Variants in PUDP observed in about 807,000 individuals in gnomAD.
PUDP encodes pseudouridine-5'-phosphatase.
In PUDP, 8 loss-of-function variants were observed where a neutral mutation model predicts 9.4. That is an observed-to-expected ratio of 0.85 (90% CI 0.50 to 1.53). PUDP has a LOEUF of 1.53. PUDP is among the 40% of genes most tolerant of loss of function. PUDP has a pLI of 0.00. For synonymous variants in PUDP, 99 were observed against 80.7 expected (o/e 1.23, Z -1.22); for missense variants, 188 against 189.7 (o/e 0.99, Z 0.05).
intron 1 of PUDP, among the ~76,000 whole-genome samples, chrX:7,003,992 T>G (rs1274287945): frequency 9.0e-6 from 1 of 111,148 alleles, no homozygotes; most frequent in African/African-American, 3.3e-5. Context: ...CCTCTCACCT[T>G]GCTCTCCTGA....
chrX:6,967,124 T>C (rs929861948), intron 3 of PUDP, among the ~76,000 whole-genome samples: 1 of 111,715 alleles, frequency 9.0e-6, no homozygotes, highest in African/African-American at 3.3e-5. Flanking sequence ...CAGGAGTTGG[T>C]CCTGTAGGAC....
intron 1 of PUDP, among the ~76,000 whole-genome samples, chrX:7,114,562 A>T (rs781086452): frequency 6.3e-5 from 7 of 111,761 alleles, no homozygotes; most frequent in Non-Finnish European, 1.3e-4. Context: ...AAGTTTCAAC[A>T]TGAGTTTCAG....
intron 3 of PUDP, among the ~76,000 whole-genome samples, chrX:6,817,543 A>C (rs1926271521): frequency 8.9e-6 from 1 of 112,145 alleles, no homozygotes; most frequent in Non-Finnish European, 1.9e-5. Context: ...CATTTCAAGA[A>C]GAAGATCTCT....
At chrX:6,990,547 T>A (rs1212721409) in intron 1 of PUDP, among the ~76,000 whole-genome samples, 2 of 112,261 alleles carry the variant, frequency 1.8e-5, no homozygotes, top group Non-Finnish European at 1.9e-5. Context: ...CCAAAAGTAC[T>A]CTTTTTGGCT....
intron 3 of PUDP, among the ~76,000 whole-genome samples, chrX:6,925,625 C>T (rs183625811): frequency 9.0e-4 from 101 of 112,061 alleles, no homozygotes; most frequent in Non-Finnish European, 1.7e-3. Flanking sequence ...CCGAGGCAGT[C>T]GGATTATAAT....
chrX:7,102,439 A>G (rs1007296440), intron 2 of PUDP, among the ~76,000 whole-genome samples: 8 of 110,567 alleles, frequency 7.2e-5, no homozygotes, highest in African/African-American at 2.6e-4. Context: ...AACTACCTCA[A>G]CATATTAAAG....
intron 3 of PUDP, among the ~76,000 whole-genome samples, chrX:6,840,329 T>C (rs1252009264): frequency 2.7e-5 from 3 of 112,165 alleles, no homozygotes; most frequent in African/African-American, 9.7e-5. Context: ...TGGTATGTCT[T>C]TATCAGCAGC....
intron 3 of PUDP, among the ~76,000 whole-genome samples, chrX:6,862,484 T>C (rs1028731883): frequency 1.8e-5 from 2 of 112,168 alleles, no homozygotes; most frequent in African/African-American, 6.5e-5. Flanking sequence ...TTCCAACAAC[T>C]TTTTTTTCAT....
At chrX:6,802,891 A>AATAAC (rs200788546) in intron 3 of PUDP, among the ~76,000 whole-genome samples, 2,987 of 16,482 alleles carry the variant, frequency 0.18, 211 homozygotes, top group South Asian at 0.38. Flanking sequence ...TTGTCTCAAA[A>AATAAC]ATAACATAAC....
rs184163637 is a variant in PUDP, at chrX:6,741,368, G to T, written c.*248-34902C>A. Among the ~76,000 whole-genome samples, 26 of 111,685 alleles carry T rather than the reference G, an allele frequency of 2.3e-4. No individual in the cohort carries two copies. In the Admixed American group the frequency reaches 2.4e-3, roughly 10 times the overall value. The stretch of plus-strand genomic sequence containing the variant: ...GCAACTGTTGCATATGTAAATGAAT[G>T]CATCTATAGGAAGTCAATAGGAATT... On this transcript the variant is annotated intron_variant and NMD_transcript_variant, in intron 3 of 3. Coordinates refer to the PUDP transcript ENST00000655425.
chrX:6,985,395 C>T (rs987048138), intron 1 of PUDP, among the ~76,000 whole-genome samples: 1 of 111,280 alleles, frequency 9.0e-6, no homozygotes, highest in African/African-American at 3.3e-5. Context: ...TATTTTGTCT[C>T]CTGCTAACTC....
chrX:6,817,773 T>C (rs917936304), intron 3 of PUDP, among the ~76,000 whole-genome samples: 1 of 111,806 alleles, frequency 8.9e-6, no homozygotes, highest in Non-Finnish European at 1.9e-5. Flanking sequence ...CATTTCTTCA[T>C]ACTCTGCACT....
chrX:6,867,335 G>A (rs1056296496), intron 3 of PUDP, among the ~76,000 whole-genome samples: 1 of 111,916 alleles, frequency 8.9e-6, no homozygotes, highest in Non-Finnish European at 1.9e-5. Flanking sequence ...TCCAGGCATG[G>A]CAGATTCAGC....
At chrX:7,135,467 G>A (rs188996801) in intron 1 of PUDP, among the ~76,000 whole-genome samples, 2 of 112,012 alleles carry the variant, frequency 1.8e-5, no homozygotes, top group Admixed American at 1.9e-4. Context: ...TGCACTATGA[G>A]AGAGACGAGG....
At chrX:7,100,858 G>C (rs773916159) in intron 2 of PUDP, among the ~76,000 whole-genome samples, 26 of 112,327 alleles carry the variant, frequency 2.3e-4, no homozygotes, top group African/African-American at 8.1e-4. Flanking sequence ...GGCACGGCCT[G>C]TCTTTCTGCT....
chrX:7,116,506 G>T (rs1297273959), intron 1 of PUDP, among the ~76,000 whole-genome samples: 1 of 110,848 alleles, frequency 9.0e-6, no homozygotes, highest in Non-Finnish European at 1.9e-5. Flanking sequence ...GGTGGGCCAG[G>T]CACTTCTCTC....
chrX:6,884,927 C>T (rs1335287750), intron 3 of PUDP, among the ~76,000 whole-genome samples: 2 of 111,997 alleles, frequency 1.8e-5, no homozygotes, highest in Non-Finnish European at 3.8e-5. Flanking sequence ...GCTCCCAGAT[C>T]AGACTGAGAT....
chrX:6,747,619 G>A (rs926720587), intron 3 of PUDP, among the ~76,000 whole-genome samples: 2 of 112,141 alleles, frequency 1.8e-5, no homozygotes, highest in Non-Finnish European at 3.8e-5. Flanking sequence ...TTATGAAAAT[G>A]CCCCAGTGGG....
chrX:7,065,063 T>C (rs1030036763), intron 3 of PUDP, among the ~76,000 whole-genome samples: 1 of 111,755 alleles, frequency 8.9e-6, no homozygotes, highest in African/African-American at 3.3e-5. Flanking sequence ...CTTTTCAAAC[T>C]AGGTTCTATA....
Sources: gnomAD v4.1 joint callset for allele counts (sites outside exome capture counted in the v4.1 genomes callset) on GRCh38, gnomAD v4.1.1 for gene constraint, MANE v1.5 for transcripts, NCBI Gene and HGNC (gene_info 2026-07-23, HGNC 2026-07-21) for gene names.